The following INPP5B variants were observed in gnomAD, a reference collection of about 807,000 sequenced individuals.
The protein encoded by INPP5B is type II inositol 1,4,5-trisphosphate 5-phosphatase.
INPP5B carries 90 observed loss-of-function variants against 118.5 expected under a neutral mutation model. That is an observed-to-expected ratio of 0.76 (90% confidence interval 0.64 to 0.90). INPP5B has a LOEUF of 0.90. INPP5B is among the 40% of genes least tolerant of loss of function. The pLI is 0.00. For synonymous variants in INPP5B, 385 were observed against 418.9 expected (o/e 0.92, Z 0.99); for missense variants, 984 against 1,125.6 (o/e 0.87, Z 1.80).
intron 6 of INPP5B, among the ~76,000 whole-genome samples, chr1:37,935,400 G>A (rs1645647914): frequency 1.3e-5 from 2 of 151,002 alleles, no homozygotes; most frequent in Admixed American, 1.3e-4. Context: ...CACCATATTG[G>A]TCAGGCTGGT....
At chr1:37,879,345 C>G (rs1470681365) in intron 15 of INPP5B, among the ~76,000 whole-genome samples, 1 of 151,598 alleles carries the variant, frequency 6.6e-6, no homozygotes, top group Non-Finnish European at 1.5e-5. Context: ...CTACCTGTAC[C>G]CCTTGTCTGC....
intron 7 of INPP5B, among the ~76,000 whole-genome samples, chr1:37,893,544 G>A (rs1643909705): frequency 6.6e-6 from 1 of 152,078 alleles, no homozygotes; most frequent in Admixed American, 6.6e-5. Flanking sequence ...GCTAGTCTAG[G>A]TTACCAACAT....
rs1342051925 is a variant in INPP5B at position 37,883,211 on chromosome 1, C to G, written c.1320-293G>C. ...TAAGATCTAAAAGATAGTAATTTAC[C>G]CCATTCCTGGGAAGAGGGAAAAAAA... is the stretch of plus-strand genomic sequence containing the variant. On this transcript the variant is annotated intron_variant, in intron 13 of 23. Coordinates refer to ENST00000373024, the MANE Select transcript of INPP5B (RefSeq NM_005540.3). 3 of 985,184 alleles carry G rather than the reference C, an allele frequency of 3.0e-6. No individual in the cohort carries two copies. The African/African-American group carries it at 5.2e-5, about 17-fold the overall frequency. 61.0% of individuals were successfully genotyped at this position (985,184 alleles called of 1,614,324 possible). A position where few individuals can be genotyped will look rare whatever the true frequency, so the allele number is the denominator to read the frequency against.
chr1:37,876,703 C>CAAA (rs754849945), intron 16 of INPP5B, among the ~76,000 whole-genome samples: 17,679 of 80,652 alleles, frequency 0.22, 2,842 homozygotes, highest in East Asian at 0.32. Context: ...ACTAAAAATA[C>CAAA]AAAAAAAAAA....
At chr1:37,893,661 T>C (rs1312157888) in intron 7 of INPP5B, among the ~76,000 whole-genome samples, 1 of 152,102 alleles carries the variant, frequency 6.6e-6, no homozygotes, top group South Asian at 2.1e-4. Flanking sequence ...TTTTAAAAAG[T>C]AAATCGGATC....
At chr1:37,938,201 G>A (rs1645772486) in intron 6 of INPP5B, among the ~76,000 whole-genome samples, 1 of 151,800 alleles carries the variant, frequency 6.6e-6, no homozygotes, top group African/African-American at 2.4e-5. Flanking sequence ...CCCAGGAGGT[G>A]GAGGTTGCAA....
intron 16 of INPP5B, among the ~76,000 whole-genome samples, chr1:37,876,581 A>AC: frequency 7.5e-6 from 1 of 133,294 alleles, no homozygotes; most frequent in East Asian, 2.5e-4. Context: ...AAAAAAAAAA[A>AC]GGGCCCGGTG....
At chr1:37,944,119 CT>C (rs1646033903) in intron 3 of INPP5B, among the ~76,000 whole-genome samples, 1 of 152,168 alleles carries the variant, frequency 6.6e-6, no homozygotes, top group South Asian at 2.1e-4. Flanking sequence ...GCAGGAGCCC[CT>C]GATTGTTAGT....
intron 7 of INPP5B, among the ~76,000 whole-genome samples, chr1:37,924,135 G>GGTTCTCA (rs1457186453): frequency 6.6e-6 from 1 of 151,458 alleles, no homozygotes; most frequent in Admixed American, 6.6e-5. Context: ...ACAGCAGCCA[G>GGTTCTCA]GTTCTCAGTT....
At chr1:37,864,773 A>C (rs771405860) in intron 22 of INPP5B, 1 of 172,708 alleles carries the variant, frequency 5.8e-6, no homozygotes, top group Non-Finnish European at 1.2e-5. Flanking sequence ...AAGTAAGTAG[A>C]GAGAACACTT....
chr1:37,931,324 A>C, intron 7 of INPP5B: 3 of 874,788 alleles, frequency 3.4e-6, no homozygotes, highest in East Asian at 4.1e-5. Flanking sequence ...CCCACGCGAC[A>C]AACTCGGAAG....
chr1:37,896,428 G>A (rs570335125), intron 7 of INPP5B, among the ~76,000 whole-genome samples: 2 of 150,902 alleles, frequency 1.3e-5, no homozygotes, highest in South Asian at 2.1e-4. Flanking sequence ...AGGTGGGGGG[G>A]TCAGCCCCCC....
chr1:37,890,973 T>G (rs1203530701), intron 8 of INPP5B, among the ~76,000 whole-genome samples: 1 of 152,146 alleles, frequency 6.6e-6, no homozygotes, highest in Non-Finnish European at 1.5e-5. Flanking sequence ...ATGCCTGTAA[T>G]CCCAGCACTT....
chr1:37,877,965 GAC>G (rs1447272411), intron 16 of INPP5B, among the ~76,000 whole-genome samples: 2 of 152,212 alleles, frequency 1.3e-5, no homozygotes, highest in African/African-American at 4.8e-5. Context: ...TCTGCAAAGA[GAC>G]AGTTCAAAAA....
chr1:37,899,393 G>A (rs372747965), intron 7 of INPP5B, among the ~76,000 whole-genome samples: 3 of 151,412 alleles, frequency 2.0e-5, no homozygotes, highest in African/African-American at 7.3e-5. Flanking sequence ...GAGAAACCCC[G>A]TCTCTACTTA....
chr1:37,916,557 C>G (rs1312941636), intron 7 of INPP5B, among the ~76,000 whole-genome samples: 1 of 152,056 alleles, frequency 6.6e-6, no homozygotes, highest in East Asian at 1.9e-4. Flanking sequence ...GCTGGGATTA[C>G]AGGCATGCGC....
chr1:37,941,348 G>A (rs967219932), intron 5 of INPP5B, among the ~76,000 whole-genome samples: 2 of 152,104 alleles, frequency 1.3e-5, no homozygotes, highest in Admixed American at 6.6e-5. Flanking sequence ...CTAGCAGAGC[G>A]ATTAAGAGTG....
chr1:37,916,425 C>CT (rs1249343745), intron 7 of INPP5B, among the ~76,000 whole-genome samples: 5 of 127,564 alleles, frequency 3.9e-5, no homozygotes, highest in South Asian at 2.5e-4. Context: ...TTTTTTTTTT[C>CT]TTTTTTTTGA....
chr1:37,861,814 T>A lies in INPP5B; in HGVS notation c.*501A>T, dbSNP rs541317837. 2.2e-4 allele frequency: 34 copies of A among 151,604 alleles called. No individual in the cohort carries two copies. The East Asian group carries it at 5.6e-3, about 25-fold the overall frequency. The allele number at this position is 151,604 out of a possible 1,614,324, so 9.4% of individuals were successfully genotyped here. On this transcript the variant is annotated 3_prime_UTR_variant, in exon 24 of 24. Coordinates refer to ENST00000373024, the MANE Select transcript of INPP5B (RefSeq NM_005540.3). ...ACTTGGGGAGGCCGAGGCAGGCAGATTACCTGAGTTCAGGAGTTTTAGAAC... is the reference window on the plus strand; with the variant it reads ...ACTTGGGGAGGCCGAGGCAGGCAGAATACCTGAGTTCAGGAGTTTTAGAAC...
Sources: gnomAD v4.1 joint callset for allele counts (sites outside exome capture counted in the v4.1 genomes callset) on GRCh38, gnomAD v4.1.1 for gene constraint, MANE v1.5 for transcripts, NCBI Gene and HGNC (gene_info 2026-07-23, HGNC 2026-07-21) for gene names.